FAM184A: variants seen among roughly 807,000 people sequenced by gnomAD.
FAM184A encodes protein FAM184A.
A neutral mutation model predicts 143.8 loss-of-function variants in FAM184A; 99 were observed. The ratio of observed to expected loss-of-function variants is 0.69; its 90% CI spans 0.58 to 0.81. The LOEUF is 0.81. FAM184A is among the 40% of genes least tolerant of loss of function. FAM184A has a pLI of 0.00. For synonymous variants in FAM184A, 427 were observed against 446.4 expected (o/e 0.96, Z 0.55); for missense variants, 1,217 against 1,310.5 (o/e 0.93, Z 1.10).
intron 1 of FAM184A, among the ~76,000 whole-genome samples, chr6:119,055,813 G>A (rs1298526062): frequency 6.6e-6 from 1 of 152,090 alleles, no homozygotes; most frequent in Non-Finnish European, 1.5e-5. Context: ...TTCAGCTCCT[G>A]TCTTGGCTAC....
rs1784812800 is a variant in FAM184A at position 119,003,043 on chromosome 6, C to T, written c.1944G>A (p.Glu648=). 1.9e-6 allele frequency: 3 copies of T among 1,596,682 alleles called. No homozygotes were observed. Among genetic ancestry groups the T allele is most frequent in the Non-Finnish European group, 2.6e-6 (3 of 1,175,142 alleles). Residue 648 remains glutamate (E), a synonymous_variant, in exon 9 of 18, where the codon GAG becomes GAA. Transcript: ENST00000338891. ...TTAACTCTTCACGAAGTTTAGAACA[C>T]TCTTGTCTAAAATAAAACAACTGCA... ...EIKWTENLRQ[E]CSKLREELRL...
At chr6:119,063,048 A>G (rs1035077585) in intron 1 of FAM184A, among the ~76,000 whole-genome samples, 16 of 152,198 alleles carry the variant, frequency 1.1e-4, no homozygotes, top group Non-Finnish European at 2.2e-4. Context: ...TTTAAGATTA[A>G]ACATCAACAA....
intron 1 of FAM184A, among the ~76,000 whole-genome samples, chr6:119,129,593 C>A (rs1284666189): frequency 6.6e-6 from 1 of 152,016 alleles, no homozygotes; most frequent in Non-Finnish European, 1.5e-5. Flanking sequence ...GGCATTGGAG[C>A]TAACAAGCCT....
chr6:119,017,322 C>A (rs1052851197), intron 4 of FAM184A, among the ~76,000 whole-genome samples: 9 of 152,080 alleles, frequency 5.9e-5, no homozygotes, highest in African/African-American at 2.2e-4. Context: ...CACGGTGAAA[C>A]CCCGTCTCTA....
intron 9 of FAM184A, among the ~76,000 whole-genome samples, chr6:118,992,109 A>G (rs1784399740): frequency 6.6e-6 from 1 of 152,032 alleles, no homozygotes; most frequent in South Asian, 2.1e-4. Context: ...TCTGATTTAC[A>G]TCATGAAAGA....
At chr6:119,122,272 T>C (rs1162857733) in intron 1 of FAM184A, among the ~76,000 whole-genome samples, 1 of 152,192 alleles carries the variant, frequency 6.6e-6, no homozygotes, top group Non-Finnish European at 1.5e-5. Flanking sequence ...TTAATAGGGT[T>C]TCTAGAGGAA....
At chr6:119,091,078 A>AG (rs1788351433) in intron 1 of FAM184A, among the ~76,000 whole-genome samples, 2 of 152,196 alleles carry the variant, frequency 1.3e-5, no homozygotes, top group Non-Finnish European at 2.9e-5. Context: ...CAAAGTGAGC[A>AG]GGGGGTAGTC....
At chr6:118,962,078 T>C in intron 16 of FAM184A, 115 bp from the exon 17 acceptor site, 1 of 954,856 alleles carries the variant, frequency 1.0e-6, no homozygotes, top group Non-Finnish European at 1.6e-6. Flanking sequence ...TTATGTTAAA[T>C]TAAAATGTTA....
chr6:119,125,539 A>G (rs774725273), intron 1 of FAM184A, among the ~76,000 whole-genome samples: 3 of 152,132 alleles, frequency 2.0e-5, no homozygotes, highest in Non-Finnish European at 2.9e-5. Context: ...CCAATGTGCT[A>G]GGTGTTATTT....
intron 1 of FAM184A, among the ~76,000 whole-genome samples, chr6:119,142,263 G>GGGAAAGGAC (rs1345307876): frequency 6.6e-6 from 1 of 152,114 alleles, no homozygotes; most frequent in African/African-American, 2.4e-5. Flanking sequence ...TGAGTCGGCC[G>GGGAAAGGAC]GGAAAGGACG....
At chr6:119,023,703 A>T (rs1435218789) in intron 2 of FAM184A, among the ~76,000 whole-genome samples, 1 of 151,518 alleles carries the variant, frequency 6.6e-6, no homozygotes, top group Non-Finnish European at 1.5e-5. Flanking sequence ...CAATAATTAG[A>T]CAAGGTTTTA....
At chr6:119,038,410 G>C (rs1023779817) in intron 1 of FAM184A, among the ~76,000 whole-genome samples, 11 of 152,080 alleles carry the variant, frequency 7.2e-5, no homozygotes, top group Admixed American at 2.0e-4. Flanking sequence ...CATGACAAAA[G>C]ACAGGTCACA....
At chr6:119,140,093 C>T (rs645361) in intron 1 of FAM184A, among the ~76,000 whole-genome samples, 5,176 of 152,200 alleles carry the variant, frequency 0.034, 294 homozygotes, top group African/African-American at 0.12. Flanking sequence ...ATCTGTAAAA[C>T]GGATTAGTAA....
At chr6:119,077,755 G>A (rs1163244685) in intron 1 of FAM184A, among the ~76,000 whole-genome samples, 2 of 152,218 alleles carry the variant, frequency 1.3e-5, no homozygotes, top group African/African-American at 2.4e-5. Context: ...AGTCATATTA[G>A]GTAAATACGG....
chr6:118,983,834 A>C (rs574199999), intron 9 of FAM184A, among the ~76,000 whole-genome samples: 2 of 152,060 alleles, frequency 1.3e-5, no homozygotes, highest in Non-Finnish European at 2.9e-5. Context: ...AAGTTTTATA[A>C]AAATTTCAAA....
At chr6:119,088,346 T>C (rs1247556127) in intron 1 of FAM184A, among the ~76,000 whole-genome samples, 4 of 152,218 alleles carry the variant, frequency 2.6e-5, no homozygotes, top group Non-Finnish European at 4.4e-5. Flanking sequence ...CAGAGAATGC[T>C]GTTCTATCAA....
intron 1 of FAM184A, among the ~76,000 whole-genome samples, chr6:119,034,126 A>G (rs541716659): frequency 6.7e-6 from 1 of 149,260 alleles, no homozygotes; most frequent in Non-Finnish European, 1.5e-5. Context: ...AATGAGGTAG[A>G]TGAAAGAAAA....
At chr6:119,129,916 G>A (rs1393915167) in intron 1 of FAM184A, among the ~76,000 whole-genome samples, 1 of 152,060 alleles carries the variant, frequency 6.6e-6, no homozygotes, top group Non-Finnish European at 1.5e-5. Flanking sequence ...AAAGGTTGGT[G>A]GAATATCTGC....
chr6:119,093,094 A>G lies in FAM184A; in HGVS notation c.-202+55984T>C, dbSNP rs544234210. 7.9e-5 allele frequency among the ~76,000 whole-genome samples: 12 copies of G among 152,280 alleles called. 1 individual carries two copies. The South Asian group carries it at 2.3e-3, about 29-fold the overall frequency. ...ATTCCCATTGACCCTAGAAGGCTCA[A>G]TTCTGTGGCAGAATTTTATTCTGTG... On this transcript the variant is annotated intron_variant, in intron 1 of 16. Coordinates refer to the FAM184A transcript ENST00000352896.
Sources: allele counts gnomAD v4.1 joint callset (sites outside exome capture counted in the v4.1 genomes callset), GRCh38; gene constraint gnomAD v4.1.1; transcripts MANE v1.5; gene names NCBI Gene and HGNC (gene_info 2026-07-23, HGNC 2026-07-21).